PCLO: variants seen among roughly 807,000 people sequenced by gnomAD.
PCLO encodes the protein protein piccolo.
In PCLO, 82 loss-of-function variants were observed where a neutral mutation model predicts 427.5. That is an observed-to-expected ratio of 0.19 (90% CI 0.16 to 0.23). The LOEUF (loss-of-function observed/expected upper bound fraction) is 0.23. Ranked by LOEUF, PCLO falls within the 10% of genes least tolerant of loss-of-function variation. PCLO has a pLI of 1.00. For synonymous variants in PCLO, 2,357 were observed against 2,155.4 expected, an observed-to-expected ratio of 1.09 and a Z score of -2.59; for missense variants, 6,239 against 6,115.9, an observed-to-expected ratio of 1.02 and a Z score of -0.67.
At chr7:82,809,084 T>C (rs1791514669) in intron 20 of PCLO, among the ~76,000 whole-genome samples, 1 of 151,950 alleles carries the variant, frequency 6.6e-6, no homozygotes, top group Admixed American at 6.6e-5. Context: ...ACATCAATTC[T>C]ATTAAATTGA....
chr7:82,942,478 T>C (rs1387553383), intron 6 of PCLO, among the ~76,000 whole-genome samples: 1 of 152,168 alleles, frequency 6.6e-6, no homozygotes, highest in Non-Finnish European at 1.5e-5. Flanking sequence ...ATCTTTTCCT[T>C]CTTTATAAAA....
chr7:82,922,770 TC>T (rs900604480), intron 6 of PCLO, among the ~76,000 whole-genome samples: 54 of 151,956 alleles, frequency 3.6e-4, no homozygotes, highest in African/African-American at 1.3e-3. Context: ...AACTACCTCA[TC>T]TTTTGCTAAA....
At chr7:82,834,391 A>G (rs1222022026) in intron 16 of PCLO, among the ~76,000 whole-genome samples, 2 of 152,306 alleles carry the variant, frequency 1.3e-5, no homozygotes, top group Non-Finnish European at 2.9e-5. Flanking sequence ...TGTTTGCCAT[A>G]ATTATGTGGC....
rs757011872 is a variant in PCLO, at chr7:83,162,608, G to C, written c.-16C>G. On this transcript the variant is annotated 5_prime_UTR_variant, in exon 1 of 25. Transcript: ENST00000333891. ...CGTTGCCCATGGCTCAGGGAGACTCGGGGCCGCCGCGCTCCCTCCTCGCGC... is the reference window on the plus strand; with the variant it reads ...CGTTGCCCATGGCTCAGGGAGACTCCGGGCCGCCGCGCTCCCTCCTCGCGC... The C allele has an allele frequency of 5.9e-6, 9 of 1,521,764 alleles. No homozygotes were observed. The South Asian group carries it at 6.1e-5, about 10-fold the overall frequency. The allele number at this position is 1,521,764 out of a possible 1,614,324, so 94.3% of individuals were successfully genotyped here.
intron 3 of PCLO, among the ~76,000 whole-genome samples, chr7:83,031,937 T>C (rs1788680218): frequency 6.6e-6 from 1 of 152,216 alleles, no homozygotes; most frequent in Non-Finnish European, 1.5e-5. Flanking sequence ...CCTTGATATG[T>C]CTGCATTTGC....
At chr7:83,017,841 T>A (rs1278410429) in intron 3 of PCLO, 1 of 151,920 alleles carries the variant, frequency 6.6e-6, no homozygotes, top group African/African-American at 2.4e-5. Flanking sequence ...ATGGGAAAAA[T>A]TATTTAACAC....
intron 6 of PCLO, among the ~76,000 whole-genome samples, chr7:82,924,108 C>T (rs1166796876): frequency 6.6e-6 from 1 of 152,006 alleles, no homozygotes; most frequent in Non-Finnish European, 1.5e-5. Context: ...GATGAGAATC[C>T]TACTATTTGT....
At chr7:82,893,737 A>G (rs1282603088) in intron 9 of PCLO, among the ~76,000 whole-genome samples, 2 of 152,032 alleles carry the variant, frequency 1.3e-5, no homozygotes, top group Non-Finnish European at 1.5e-5. Context: ...TATTGATAAA[A>G]TATCTGAACT....
At chr7:83,112,208 C>T (rs1322474850) in intron 3 of PCLO, among the ~76,000 whole-genome samples, 1 of 152,084 alleles carries the variant, frequency 6.6e-6, no homozygotes, top group Non-Finnish European at 1.5e-5. Context: ...CAAGTGCCCG[C>T]CACCACACCT....
intron 22 of PCLO, among the ~76,000 whole-genome samples, chr7:82,764,870 C>A (rs1319264463): frequency 6.6e-6 from 1 of 151,720 alleles, no homozygotes; most frequent in Non-Finnish European, 1.5e-5. Flanking sequence ...TAAGACAAGG[C>A]AAGTGAACTA....
chr7:82,997,136 C>A (rs6965237), intron 3 of PCLO, among the ~76,000 whole-genome samples: 1 of 151,576 alleles, frequency 6.6e-6, no homozygotes, highest in African/African-American at 2.4e-5. Flanking sequence ...GATAATAACA[C>A]CTAGGACTTC....
At chr7:82,939,585 G>A (rs929453511) in intron 6 of PCLO, among the ~76,000 whole-genome samples, 5 of 147,790 alleles carry the variant, frequency 3.4e-5, no homozygotes, top group Admixed American at 6.8e-5. Flanking sequence ...TATTTTTTCC[G>A]CTGAAAAAAA....
At chr7:82,876,967 T>C (rs746003382) in intron 10 of PCLO, among the ~76,000 whole-genome samples, 1 of 152,158 alleles carries the variant, frequency 6.6e-6, no homozygotes, top group Admixed American at 6.6e-5. Flanking sequence ...AATAAAATCT[T>C]AAATCATATG....
chr7:82,896,497 T>C (rs531809284), intron 9 of PCLO, among the ~76,000 whole-genome samples: 29 of 151,798 alleles, frequency 1.9e-4, no homozygotes, highest in African/African-American at 6.7e-4. Context: ...ATGAGGGATG[T>C]TGGAAGCAGA....
intron 1 of PCLO, among the ~76,000 whole-genome samples, chr7:83,160,950 A>G (rs1473146333): frequency 6.6e-6 from 1 of 152,150 alleles, no homozygotes; most frequent in Non-Finnish European, 1.5e-5. Context: ...GTTTTCATCA[A>G]GTAGAGGAAA....
At chr7:82,845,557 T>C in intron 12 of PCLO, 72 bp from the exon 13 acceptor site, 1 of 1,004,766 alleles carries the variant, frequency 1.0e-6, no homozygotes, top group East Asian at 2.6e-5. Flanking sequence ...ACTATGTGAG[T>C]TCTAGGTGAC....
At position 83,152,528 on chromosome 7, in the gene PCLO, C is replaced by T. The variant is rs537226170; in HGVS notation, c.1893+2220G>A. ...GTGTAAGGCTAAAATCTGACTTCAA[C>T]CTATCTCCAATCTCATTGCCCATTT... On this transcript the variant is annotated intron_variant, in intron 2 of 24. Transcript: ENST00000333891. Among the ~76,000 whole-genome samples the T allele has an allele frequency of 2.2e-3, 328 of 152,290 alleles. 2 individuals carry two copies. Among genetic ancestry groups the T allele is most frequent in the Non-Finnish European group, 4.0e-3 (272 of 68,030 alleles).
At chr7:83,057,737 A>G (rs1337596869) in intron 3 of PCLO, among the ~76,000 whole-genome samples, 1 of 152,068 alleles carries the variant, frequency 6.6e-6, no homozygotes, top group Non-Finnish European at 1.5e-5. Flanking sequence ...TACTTGAAAC[A>G]TAAAATTAGA....
intron 22 of PCLO, among the ~76,000 whole-genome samples, chr7:82,799,960 C>T (rs1364584013): frequency 1.3e-5 from 2 of 152,064 alleles, no homozygotes; most frequent in African/African-American, 4.8e-5. Context: ...TTTCTAGTTT[C>T]CTGGTTGGAC....
Sources: gnomAD v4.1 joint callset for allele counts (sites outside exome capture counted in the v4.1 genomes callset) on GRCh38, gnomAD v4.1.1 for gene constraint, MANE v1.5 for transcripts, NCBI Gene and HGNC (gene_info 2026-07-23, HGNC 2026-07-21) for gene names.